Variants in MOB3B observed in about 807,000 individuals in gnomAD.
The protein encoded by MOB3B is MOB kinase activator-like 2B.
In MOB3B, 7 loss-of-function variants were observed where a neutral mutation model predicts 18.7. That is an observed-to-expected ratio of 0.37 (90% CI 0.21 to 0.70). The LOEUF is 0.70. Ranked by LOEUF, MOB3B falls within the 30% of genes least tolerant of loss-of-function variation. The pLI is 0.52. For missense variants in MOB3B, 253 were observed against 281.3 expected, an observed-to-expected ratio of 0.90 and a Z score of 0.72; for synonymous variants, 111 against 99.9, an observed-to-expected ratio of 1.11 and a Z score of -0.66.
At chr9:27,388,934 G>A (rs898398920) in intron 2 of MOB3B, among the ~76,000 whole-genome samples, 1 of 151,912 alleles carries the variant, frequency 6.6e-6, no homozygotes, top group Admixed American at 6.6e-5. Context: ...CACTGCCCTC[G>A]CCTGACCACT....
At chr9:27,436,750 C>T (rs1402597174) in intron 2 of MOB3B, among the ~76,000 whole-genome samples, 1 of 151,874 alleles carries the variant, frequency 6.6e-6, no homozygotes, top group Admixed American at 6.6e-5. Context: ...ACATGACAAA[C>T]AACTTCAGAG....
chr9:27,419,286 C>T (rs563166790), intron 2 of MOB3B, among the ~76,000 whole-genome samples: 105 of 152,218 alleles, frequency 6.9e-4, no homozygotes, highest in African/African-American at 2.4e-3. Flanking sequence ...CATCATTCTT[C>T]ACATAATTAG....
chr9:27,370,899 T>C (rs187539603), intron 2 of MOB3B, among the ~76,000 whole-genome samples: 50 of 152,262 alleles, frequency 3.3e-4, no homozygotes, highest in African/African-American at 1.1e-3. Context: ...AAGATCTCCA[T>C]GGAATTGCTA....
chr9:27,432,816 C>T (rs1161611343), intron 2 of MOB3B, among the ~76,000 whole-genome samples: 5 of 152,052 alleles, frequency 3.3e-5, no homozygotes, highest in African/African-American at 1.2e-4. Context: ...AATTTCATAC[C>T]CTCTTGAACA....
intron 2 of MOB3B, among the ~76,000 whole-genome samples, chr9:27,388,723 T>G (rs953450620): frequency 2.0e-5 from 3 of 152,148 alleles, no homozygotes; most frequent in African/African-American, 7.2e-5. Context: ...TTGAATATAT[T>G]CTTTTCCTTT....
chr9:27,412,765 G>A (rs999605355), intron 2 of MOB3B, among the ~76,000 whole-genome samples: 2 of 152,348 alleles, frequency 1.3e-5, no homozygotes, highest in African/African-American at 4.8e-5. Flanking sequence ...AACAGAAACA[G>A]TGACCGTGGT....
chr9:27,335,295 A>T lies in MOB3B; in HGVS notation c.622-4679T>A, dbSNP rs371839479. Among the ~76,000 whole-genome samples, 8 of 152,234 alleles carry T rather than the reference A, an allele frequency of 5.3e-5. No individual in the cohort carries two copies. In the East Asian group the frequency reaches 7.7e-4, roughly 15 times the overall value. On this transcript the variant is annotated intron_variant, in intron 3 of 3. Transcript: ENST00000262244. ...CTGGGAGGAAACATGGGTGTCACCT[A>T]CTCCAACACTTTAATTTCGGAGATG...
At chr9:27,429,532 A>G (rs2131420912) in intron 2 of MOB3B, among the ~76,000 whole-genome samples, 1 of 152,308 alleles carries the variant, frequency 6.6e-6, no homozygotes, top group South Asian at 2.1e-4. Context: ...AAACAATTAA[A>G]CAGAGGAAAC....
intron 1 of MOB3B, among the ~76,000 whole-genome samples, chr9:27,477,542 G>A (rs995898022): frequency 6.6e-6 from 1 of 152,160 alleles, no homozygotes; most frequent in Non-Finnish European, 1.5e-5. Flanking sequence ...TTATTGTTGT[G>A]CCCCAGCACC....
chr9:27,337,059 C>T lies in MOB3B; in HGVS notation c.622-6443G>A, dbSNP rs543366580. On this transcript the variant is annotated intron_variant, in intron 3 of 3. Transcript: ENST00000262244. The stretch of plus-strand genomic sequence containing the variant: ...GCCCGAGCTTGGCCCTGTGGCCTGC[C>T]GTCAGCCCCATCTCCACTCAGATGG... Among the ~76,000 whole-genome samples, 22 of 152,324 alleles carry T rather than the reference C, an allele frequency of 1.4e-4. No individual in the cohort carries two copies. The East Asian group carries it at 2.1e-3, about 15-fold the overall frequency.
At chr9:27,405,264 TGC>T (rs1821949943) in intron 2 of MOB3B, among the ~76,000 whole-genome samples, 2 of 151,814 alleles carry the variant, frequency 1.3e-5, no homozygotes, top group Non-Finnish European at 2.9e-5. Flanking sequence ...TATGCCACCA[TGC>T]CCGGTTAGTT....
intron 2 of MOB3B, among the ~76,000 whole-genome samples, chr9:27,437,090 G>C (rs1453887544): frequency 6.6e-6 from 1 of 152,174 alleles, no homozygotes; most frequent in Non-Finnish European, 1.5e-5. Context: ...AATCCTGAAA[G>C]AGGAGATGGC....
intron 1 of MOB3B, among the ~76,000 whole-genome samples, chr9:27,459,876 C>CAAAAAA (rs35792761): frequency 2.3e-5 from 2 of 86,742 alleles, no homozygotes. Flanking sequence ...TTTCAGTCTC[C>CAAAAAA]AAAAAAAAAA....
chr9:27,377,607 G>C (rs1226073031), intron 2 of MOB3B, among the ~76,000 whole-genome samples: 4 of 152,170 alleles, frequency 2.6e-5, no homozygotes, highest in Admixed American at 6.5e-5. Context: ...GGAGGGGTCT[G>C]AGAACTTGTG....
chr9:27,514,345 C>CAAAAAAAAA (rs34526085), intron 1 of MOB3B, among the ~76,000 whole-genome samples: 12 of 77,602 alleles, frequency 1.5e-4, no homozygotes, highest in South Asian at 5.2e-4. Flanking sequence ...ACCACAAGCT[C>CAAAAAAAAA]AAAAAAAAAA....
rs939397448 is a variant in MOB3B at position 27,326,561 on chromosome 9, C to T, written c.*4026G>A. On this transcript the variant is annotated 3_prime_UTR_variant, in exon 4 of 4. Transcript: ENST00000262244. ...AAGAATGCTATAGAATTTCCATGCCCGAAGAACTGTGAGAGGAGTATAGAT... is the reference window on the plus strand; with the variant it reads ...AAGAATGCTATAGAATTTCCATGCCTGAAGAACTGTGAGAGGAGTATAGAT... The T allele has an allele frequency of 6.3e-5, 25 of 398,386 alleles. No individual in the cohort carries two copies. The highest frequency in any genetic ancestry group is 1.3e-4 in the Admixed American group (3 of 22,718). The allele number at this position is 398,386 out of a possible 1,614,324, so 24.7% of individuals were successfully genotyped here.
chr9:27,508,396 G>A (rs572437767), intron 1 of MOB3B, among the ~76,000 whole-genome samples: 1 of 152,204 alleles, frequency 6.6e-6, no homozygotes, highest in African/African-American at 2.4e-5. Context: ...TCCAGAAGCT[G>A]AGGAATCCAC....
chr9:27,359,260 G>T (rs533403628), intron 2 of MOB3B, 24 bp from the exon 3 acceptor site: 5 of 1,598,372 alleles, frequency 3.1e-6, no homozygotes, highest in Non-Finnish European at 4.3e-6. Flanking sequence ...AAAGAAGAAA[G>T]AATGAAACCA....
intron 2 of MOB3B, among the ~76,000 whole-genome samples, chr9:27,376,589 G>A (rs537546546): frequency 2.2e-4 from 34 of 152,152 alleles, no homozygotes; most frequent in African/African-American, 8.2e-4. Flanking sequence ...AATTATCCAG[G>A]GAACATAAAA....
Sources: gnomAD v4.1 joint callset for allele counts (sites outside exome capture counted in the v4.1 genomes callset) on GRCh38, gnomAD v4.1.1 for gene constraint, MANE v1.5 for transcripts, NCBI Gene and HGNC (gene_info 2026-07-23, HGNC 2026-07-21) for gene names.